Variants in NR2F1-AS1 observed in about 807,000 individuals in gnomAD.
NR2F1-AS1 encodes the protein NR2F1 regulatory antisense RNA 1.
chr5:93,585,104 G>T, upstream of NR2F1-AS1: 1 of 995,886 alleles, frequency 1.0e-6, no homozygotes, highest in African/African-American at 1.8e-5. Context: ...ACCCCGCAGC[G>T]CAGGCGGCCC....
At chr5:93,578,128 T>A (rs970868585) in intron 1 of NR2F1-AS1, among the ~76,000 whole-genome samples, 1 of 152,146 alleles carries the variant, frequency 6.6e-6, no homozygotes, top group Non-Finnish European at 1.5e-5. Flanking sequence ...GGAGAGGATA[T>A]GTTAACAGAC....
intron 4 of NR2F1-AS1, among the ~76,000 whole-genome samples, chr5:93,500,967 T>C (rs986345037): frequency 5.3e-5 from 8 of 152,168 alleles, no homozygotes; most frequent in Non-Finnish European, 7.3e-5. Context: ...CTGTCATAGA[T>C]AGCGATTCCT....
At chr5:93,436,006 C>T (rs764323334) in intron 4 of NR2F1-AS1, among the ~76,000 whole-genome samples, 11 of 152,296 alleles carry the variant, frequency 7.2e-5, no homozygotes, top group East Asian at 3.9e-4. Context: ...AACACATCCA[C>T]TTCTGTATCA....
intron 2 of NR2F1-AS1, among the ~76,000 whole-genome samples, chr5:93,560,453 T>C (rs773664345): frequency 3.3e-5 from 5 of 152,242 alleles, no homozygotes; most frequent in Non-Finnish European, 7.4e-5. Context: ...TCAGTGACTT[T>C]TGGCTTTGTC....
intron 4 of NR2F1-AS1, among the ~76,000 whole-genome samples, chr5:93,433,787 T>C (rs374392215): frequency 7.2e-4 from 110 of 152,310 alleles, no homozygotes; most frequent in African/African-American, 2.5e-3. Context: ...AGAGGAGCCA[T>C]CCTTAACTAT....
At chr5:93,487,111 C>G (rs927203085) in intron 4 of NR2F1-AS1, among the ~76,000 whole-genome samples, 1 of 152,080 alleles carries the variant, frequency 6.6e-6, no homozygotes, top group African/African-American at 2.4e-5. Flanking sequence ...ATAATAAGAG[C>G]TATTTATGAC....
intron 4 of NR2F1-AS1, among the ~76,000 whole-genome samples, chr5:93,453,302 A>G (rs1013416834): frequency 5.3e-5 from 8 of 152,118 alleles, no homozygotes; most frequent in African/African-American, 1.9e-4. Flanking sequence ...AAATAGTCTC[A>G]GGTACCTGTA....
At chr5:93,538,529 T>C (rs1378311498) in intron 4 of NR2F1-AS1, among the ~76,000 whole-genome samples, 1 of 152,142 alleles carries the variant, frequency 6.6e-6, no homozygotes, top group Non-Finnish European at 1.5e-5. Context: ...ATCACACAAA[T>C]GTACAACAAC....
intron 4 of NR2F1-AS1, among the ~76,000 whole-genome samples, chr5:93,463,333 G>C (rs1750142345): frequency 6.6e-6 from 1 of 152,194 alleles, no homozygotes; most frequent in South Asian, 2.1e-4. Context: ...GTAAAGAACT[G>C]AGGTTTGGAA....
At chr5:93,585,142 A>C, upstream of NR2F1-AS1, 2 of 1,108,228 alleles carry the variant, frequency 1.8e-6, no homozygotes, top group South Asian at 8.6e-5. Context: ...GCCGGCGAGC[A>C]GCAGCAGCAG....
At position 93,518,112 on chromosome 5, in the gene NR2F1-AS1, A is replaced by T. The variant is rs184517483; in HGVS notation, n.638+35649T>A. Reference sequence around the variant, plus strand: ...GCCCACCTTCTCTGAGATTTTTTGAATTATTATTATTCAAAAGACCTCCAC... The same window carrying T: ...GCCCACCTTCTCTGAGATTTTTTGATTTATTATTATTCAAAAGACCTCCAC... On this transcript the variant is annotated intron_variant and non_coding_transcript_variant, in intron 4 of 5. Coordinates refer to ENST00000660523, the Ensembl canonical transcript of NR2F1-AS1. 1.7e-4 allele frequency among the ~76,000 whole-genome samples: 26 copies of T among 152,130 alleles called. No homozygotes were observed. In the East Asian group the frequency reaches 4.3e-3, roughly 25 times the overall value.
chr5:93,454,076 C>T (rs1183463022), intron 4 of NR2F1-AS1, among the ~76,000 whole-genome samples: 1 of 152,136 alleles, frequency 6.6e-6, no homozygotes, highest in Non-Finnish European at 1.5e-5. Flanking sequence ...GAGTTTGAGA[C>T]AAGCCTGGGC....
At chr5:93,437,209 A>G (rs1191312764) in intron 4 of NR2F1-AS1, among the ~76,000 whole-genome samples, 2 of 152,170 alleles carry the variant, frequency 1.3e-5, no homozygotes, top group Non-Finnish European at 2.9e-5. Context: ...CAATAGCTAC[A>G]CATAGCTATT....
At position 93,450,566 on chromosome 5, in the gene NR2F1-AS1, A is replaced by G. The variant is rs541511002; in HGVS notation, n.639-55024T>C. ...CAGATATAGCTACAATGTAACTAAA[A>G]GATCTATATCACAATCACTGTAGCA... On this transcript the variant is annotated intron_variant and non_coding_transcript_variant, in intron 4 of 5. Transcript: ENST00000660523. 1.5e-4 allele frequency among the ~76,000 whole-genome samples: 23 copies of G among 152,318 alleles called. No homozygotes were observed. In the Middle Eastern group the frequency reaches 0.01, roughly 68 times the overall value.
intron 4 of NR2F1-AS1, among the ~76,000 whole-genome samples, chr5:93,436,474 A>G (rs1190580047): frequency 6.6e-6 from 1 of 152,166 alleles, no homozygotes; most frequent in East Asian, 1.9e-4. Flanking sequence ...CCAGTTTCTT[A>G]GGTCTTCTTA....
At chr5:93,417,275 G>A (rs1456650344) in intron 4 of NR2F1-AS1, among the ~76,000 whole-genome samples, 1 of 152,144 alleles carries the variant, frequency 6.6e-6, no homozygotes, top group Non-Finnish European at 1.5e-5. Flanking sequence ...TCCAAATTTA[G>A]TGAGGTCCAT....
chr5:93,438,191 T>A (rs7709147), intron 4 of NR2F1-AS1, among the ~76,000 whole-genome samples: 1,876 of 152,332 alleles, frequency 0.012, 50 homozygotes, highest in African/African-American at 0.043. Flanking sequence ...TGCATGAAGA[T>A]CATGCTGCCT....
chr5:93,513,651 C>T (rs1015293912), intron 4 of NR2F1-AS1, among the ~76,000 whole-genome samples: 1 of 151,888 alleles, frequency 6.6e-6, no homozygotes, highest in African/African-American at 2.4e-5. Flanking sequence ...TGAGGACTAC[C>T]AGAGGGGAGA....
chr5:93,539,762 G>C (rs1751912587), intron 4 of NR2F1-AS1, among the ~76,000 whole-genome samples: 1 of 152,154 alleles, frequency 6.6e-6, no homozygotes, highest in African/African-American at 2.4e-5. Context: ...AGAGGCCTTT[G>C]ACTGTTCTCA....
Sources: allele counts gnomAD v4.1 joint callset (sites outside exome capture counted in the v4.1 genomes callset), GRCh38; gene constraint gnomAD v4.1.1; transcripts MANE v1.5; gene names NCBI Gene and HGNC (gene_info 2026-07-23, HGNC 2026-07-21).